The following ANKS1B variants were observed in gnomAD, a reference collection of about 807,000 sequenced individuals.
ANKS1B encodes ankyrin repeat and sterile alpha motif domain containing 1B, also known as ankyrin repeat and sterile alpha motif domain-containing protein 1B.
In ANKS1B, 36 loss-of-function variants were observed where a neutral mutation model predicts 148.3. The ratio of observed to expected loss-of-function variants is 0.24; its 90% CI spans 0.19 to 0.32. The LOEUF (loss-of-function observed/expected upper bound fraction) is 0.32. Among genes scored for constraint, ANKS1B ranks in the 10% least tolerant of loss-of-function variants. The pLI is 1.00. For synonymous variants in ANKS1B, 542 were observed against 560.8 expected (o/e 0.97, Z 0.47); for missense variants, 1,157 against 1,542.6 (o/e 0.75, Z 4.19).
chr12:99,847,484 G>T (rs565520757), intron 1 of ANKS1B, among the ~76,000 whole-genome samples: 1 of 152,204 alleles, frequency 6.6e-6, no homozygotes, highest in Non-Finnish European at 1.5e-5. Flanking sequence ...ATTCTAGAAG[G>T]AGTCCTGCCC....
At chr12:99,041,859 C>T (rs1454634884) in intron 17 of ANKS1B, among the ~76,000 whole-genome samples, 2 of 151,850 alleles carry the variant, frequency 1.3e-5, no homozygotes, top group African/African-American at 4.8e-5. Flanking sequence ...ATAAATTAGT[C>T]AGGTGTGGTG....
At chr12:99,385,511 C>A (rs115566827) in intron 12 of ANKS1B, among the ~76,000 whole-genome samples, 1 of 151,984 alleles carries the variant, frequency 6.6e-6, no homozygotes, top group African/African-American at 2.4e-5. Flanking sequence ...ATAATTATTG[C>A]CTGAAAGGGA....
At chr12:99,902,917 A>ATTGTTGTTGTTG (rs3054225) in intron 1 of ANKS1B, among the ~76,000 whole-genome samples, 15,990 of 150,134 alleles carry the variant, frequency 0.11, 992 homozygotes, top group African/African-American at 0.17. Flanking sequence ...CGCCCGGCTA[A>ATTGTTGTTGTTG]TTGTTGTTGT....
intron 9 of ANKS1B, among the ~76,000 whole-genome samples, chr12:99,576,684 AATGAAAACAAAGATACAGC>A (rs1408810848): frequency 7.9e-5 from 12 of 152,140 alleles, no homozygotes; most frequent in African/African-American, 2.9e-4. Context: ...CTTTGAAACT[AATGAAAACAAAGATACAGC>A]ATGCCAGAAT....
intron 8 of ANKS1B, among the ~76,000 whole-genome samples, chr12:99,718,588 A>AT (rs2057715473): frequency 6.6e-6 from 1 of 152,026 alleles, no homozygotes; most frequent in African/African-American, 2.4e-5. Flanking sequence ...CAATTCCCCT[A>AT]TTTTACCTGT....
At chr12:98,766,027 C>T (rs2098476334) in intron 25 of ANKS1B, among the ~76,000 whole-genome samples, 1 of 152,238 alleles carries the variant, frequency 6.6e-6, no homozygotes, top group Non-Finnish European at 1.5e-5. Context: ...GCAACAAATA[C>T]ATGCATAAAT....
chr12:99,768,825 G>GAA (rs71088151), intron 8 of ANKS1B, among the ~76,000 whole-genome samples: 1,441 of 68,940 alleles, frequency 0.021, 46 homozygotes, highest in African/African-American at 0.056. Flanking sequence ...CTCCGTCTCA[G>GAA]AAAAAAAAAA....
At chr12:99,105,204 T>G (rs2058886656) in intron 15 of ANKS1B, among the ~76,000 whole-genome samples, 1 of 152,214 alleles carries the variant, frequency 6.6e-6, no homozygotes, top group Non-Finnish European at 1.5e-5. Context: ...GTTATGCAAT[T>G]AACACTCTGG....
intron 15 of ANKS1B, among the ~76,000 whole-genome samples, chr12:99,116,542 G>A (rs1353122348): frequency 6.6e-6 from 1 of 152,066 alleles, no homozygotes; most frequent in African/African-American, 2.4e-5. Flanking sequence ...TTTTGCCCAT[G>A]ATATTTTGAC....
intron 1 of ANKS1B, among the ~76,000 whole-genome samples, chr12:99,910,201 A>G (rs758760084): frequency 6.6e-5 from 10 of 151,992 alleles, no homozygotes; most frequent in Non-Finnish European, 1.2e-4. Flanking sequence ...CTAAAAATAC[A>G]AAAATTAGCT....
intron 14 of ANKS1B, among the ~76,000 whole-genome samples, chr12:99,187,929 T>C (rs2080093321): frequency 6.6e-6 from 1 of 152,232 alleles, no homozygotes; most frequent in East Asian, 1.9e-4. Flanking sequence ...CCCATTGGTG[T>C]GCTGTATTCA....
At chr12:99,782,687 AG>A (rs2064485785) in intron 4 of ANKS1B, among the ~76,000 whole-genome samples, 1 of 152,354 alleles carries the variant, frequency 6.6e-6, no homozygotes, top group African/African-American at 2.4e-5. Context: ...TGACTATGCA[AG>A]AAGCTCATTT....
intron 11 of ANKS1B, among the ~76,000 whole-genome samples, chr12:99,422,533 A>C (rs922102447): frequency 2.0e-5 from 3 of 152,194 alleles, no homozygotes; most frequent in Non-Finnish European, 2.9e-5. Flanking sequence ...AGCTAAGTGA[A>C]AGCAGTGTGA....
intron 12 of ANKS1B, among the ~76,000 whole-genome samples, chr12:99,306,649 A>C (rs1306146202): frequency 6.6e-6 from 1 of 152,148 alleles, no homozygotes; most frequent in Non-Finnish European, 1.5e-5. Flanking sequence ...TGTGCTAAGC[A>C]GGTCCAAAGA....
chr12:99,137,265 CA>C (rs2068437142), intron 15 of ANKS1B, among the ~76,000 whole-genome samples: 2 of 152,110 alleles, frequency 1.3e-5, no homozygotes, highest in Non-Finnish European at 2.9e-5. Flanking sequence ...TCTTTGACAC[CA>C]GAAGTCACCA....
intron 9 of ANKS1B, among the ~76,000 whole-genome samples, chr12:99,554,116 T>C (rs2097252518): frequency 6.6e-6 from 1 of 152,198 alleles, no homozygotes; most frequent in African/African-American, 2.4e-5. Flanking sequence ...AGGGCTCATC[T>C]AAGCAATACA....
At chr12:99,830,605 T>C (rs1467548633) in intron 1 of ANKS1B, among the ~76,000 whole-genome samples, 3 of 129,944 alleles carry the variant, frequency 2.3e-5, no homozygotes, top group Non-Finnish European at 4.9e-5. Flanking sequence ...AAACCAGTCA[T>C]ACATATAGGA....
intron 15 of ANKS1B, among the ~76,000 whole-genome samples, chr12:99,100,744 G>A (rs905692832): frequency 3.9e-5 from 6 of 152,178 alleles, no homozygotes; most frequent in African/African-American, 1.2e-4. Flanking sequence ...TGGCCACGCT[G>A]GTCTCAAACT....
rs117056366 is a variant in ANKS1B, at chr12:99,134,350, C to T, written c.2526+19939G>A. ...ATAAATTTCCAGAAGTCAGAAAGAG[C>T]GTGGAAAGATGATGCAGTGGGGCAG... On this transcript the variant is annotated intron_variant, in intron 15 of 26. Coordinates refer to ENST00000683438, the MANE Select transcript of ANKS1B (RefSeq NM_001352186.2). Among the ~76,000 whole-genome samples the T allele has an allele frequency of 1.4e-4, 22 of 151,976 alleles. 1 individual carries two copies. The East Asian group carries it at 3.5e-3, about 24-fold the overall frequency.
Sources: gnomAD v4.1 joint callset for allele counts (sites outside exome capture counted in the v4.1 genomes callset) on GRCh38, gnomAD v4.1.1 for gene constraint, MANE v1.5 for transcripts, NCBI Gene and HGNC (gene_info 2026-07-23, HGNC 2026-07-21) for gene names.